The following ADGRV1 variants were observed in gnomAD, a reference collection of about 807,000 sequenced individuals.
ADGRV1 encodes G-protein coupled receptor 98.
In ADGRV1, 359 loss-of-function variants were observed where a neutral mutation model predicts 596.2. The ratio of observed to expected loss-of-function variants is 0.60; its 90% CI spans 0.55 to 0.66. The LOEUF (loss-of-function observed/expected upper bound fraction) is 0.66, where lower values mean the gene tolerates loss of function less well. Among genes scored for constraint, ADGRV1 ranks in the 30% least tolerant of loss-of-function variants. The pLI is 0.00. For synonymous variants in ADGRV1, 2,681 were observed against 2,679.2 expected, an observed-to-expected ratio of 1.00 and a Z score of -0.02; for missense variants, 7,274 against 7,575.6, an observed-to-expected ratio of 0.96 and a Z score of 1.48.
intron 50 of ADGRV1, among the ~76,000 whole-genome samples, chr5:90,740,156 T>C (rs1259259094): frequency 6.6e-6 from 1 of 152,174 alleles, no homozygotes; most frequent in Non-Finnish European, 1.5e-5. Context: ...AGATGCTCTC[T>C]TTGGATAATC....
intron 74 of ADGRV1, among the ~76,000 whole-genome samples, chr5:90,813,204 A>T (rs200077878): frequency 1.7e-3 from 2 of 1,180 alleles, no homozygotes; most frequent in African/African-American, 1.9e-3. Flanking sequence ...ATTCTAATAG[A>T]GACACAGATA....
At chr5:90,888,982 T>C (rs1770549887) in intron 83 of ADGRV1, among the ~76,000 whole-genome samples, 1 of 152,130 alleles carries the variant, frequency 6.6e-6, no homozygotes, top group Non-Finnish European at 1.5e-5. Flanking sequence ...GACTATCAAA[T>C]CTTGGATTGT....
At chr5:90,974,719 A>G (rs1298702784) in intron 84 of ADGRV1, among the ~76,000 whole-genome samples, 1 of 152,246 alleles carries the variant, frequency 6.6e-6, no homozygotes, top group Non-Finnish European at 1.5e-5. Flanking sequence ...TTAAAGACTT[A>G]AATATTAGAC....
chr5:90,739,937 C>T (rs896417507), intron 50 of ADGRV1, among the ~76,000 whole-genome samples: 6 of 152,030 alleles, frequency 3.9e-5, no homozygotes, highest in Non-Finnish European at 8.8e-5. Flanking sequence ...CCTCAGAAGA[C>T]ATTCACACAC....
chr5:90,787,115 A>G (rs1381628371), intron 67 of ADGRV1, among the ~76,000 whole-genome samples: 1 of 152,216 alleles, frequency 6.6e-6, no homozygotes, highest in Non-Finnish European at 1.5e-5. Context: ...CATGAGTATC[A>G]CATAAGCCAA....
Position 90,810,262 on chromosome 5 carries a change from C to CA in ADGRV1, c.15004dup (p.Met5002AsnfsTer9). 1 of 1,584,220 alleles carries CA rather than the reference C, an allele frequency of 6.3e-7. No homozygotes were observed. The highest frequency in any genetic ancestry group is 8.6e-7 in the Non-Finnish European group (1 of 1,164,356). On this transcript the variant is annotated frameshift_variant, in exon 74 of 90. Transcript: ENST00000405460. LOFTEE classifies it high-confidence loss of function. ...GGTTTCATTGTTGCTGAAATTGAAC[C>CA]AATGGGCGTCTTCCAATTTTCCACT... is the stretch of plus-strand genomic sequence containing the variant.
rs1249486516 is a variant in ADGRV1 at position 90,721,504 on chromosome 5, A to AAAAAT, written c.9748+465_9748+469dup. Reference sequence around the variant, plus strand: ...GGTCAACAGAGCAAGACTTGGTCTAAAAAATAAAATAAAATAAAATAAAAA... The same window carrying AAAAAT: ...GGTCAACAGAGCAAGACTTGGTCTAAAAAATAAAATAAAATAAAATAAAATAAAAA... On this transcript the variant is annotated intron_variant, in intron 45 of 89. Coordinates refer to ENST00000405460, the MANE Select transcript of ADGRV1 (RefSeq NM_032119.4). 7.6e-4 allele frequency among the ~76,000 whole-genome samples: 54 copies of AAAAAT among 70,722 alleles called. 2 individuals are homozygous for AAAAAT. The East Asian group carries it at 0.016, about 21-fold the overall frequency. 46.4% of individuals were successfully genotyped at this position (70,722 alleles called of 152,430 possible). A position where few individuals can be genotyped will look rare whatever the true frequency, so the allele number is the denominator to read the frequency against.
chr5:90,689,778 G>T (rs181706215), intron 29 of ADGRV1, 83 bp from the exon 30 acceptor site: 1 of 889,204 alleles, frequency 1.1e-6, no homozygotes, highest in Non-Finnish European at 1.8e-6. Context: ...CATAAAGTTT[G>T]TTACCTGATA....
intron 86 of ADGRV1, among the ~76,000 whole-genome samples, chr5:91,089,520 A>G (rs1790200091): frequency 2.0e-5 from 3 of 152,166 alleles, no homozygotes; most frequent in Admixed American, 6.5e-5. Flanking sequence ...GCTTTGAAGT[A>G]TGTTGGCATT....
At chr5:90,856,857 C>T (rs922834841) in intron 82 of ADGRV1, among the ~76,000 whole-genome samples, 34 of 152,218 alleles carry the variant, frequency 2.2e-4, no homozygotes, top group African/African-American at 7.9e-4. Flanking sequence ...TCAGACATTT[C>T]TAACATTCTG....
At chr5:90,918,967 T>C (rs1490254789) in intron 83 of ADGRV1, among the ~76,000 whole-genome samples, 1 of 152,184 alleles carries the variant, frequency 6.6e-6, no homozygotes, top group Non-Finnish European at 1.5e-5. Context: ...TGCCCTACCC[T>C]GCCTGATGCA....
chr5:91,009,814 C>T (rs1458605186), intron 85 of ADGRV1, among the ~76,000 whole-genome samples: 1 of 151,930 alleles, frequency 6.6e-6, no homozygotes, highest in East Asian at 1.9e-4. Flanking sequence ...TATCACAGCC[C>T]TTCAGGTATT....
intron 83 of ADGRV1, among the ~76,000 whole-genome samples, chr5:90,887,093 C>T (rs1489664717): frequency 6.6e-6 from 1 of 152,156 alleles, no homozygotes; most frequent in Non-Finnish European, 1.5e-5. Flanking sequence ...CTTTCCACTG[C>T]TCTTCAAGAT....
At chr5:90,972,020 A>T (rs933846341) in intron 84 of ADGRV1, among the ~76,000 whole-genome samples, 6 of 152,198 alleles carry the variant, frequency 3.9e-5, no homozygotes, top group African/African-American at 1.4e-4. Flanking sequence ...TACCAAGCAA[A>T]TGGAAAACAA....
intron 83 of ADGRV1, among the ~76,000 whole-genome samples, chr5:90,874,644 G>A (rs915573348): frequency 2.0e-5 from 3 of 151,802 alleles, no homozygotes; most frequent in African/African-American, 4.8e-5. Flanking sequence ...GGCGGATCAC[G>A]AGGTCAGGAG....
At chr5:90,779,259 A>G (rs992772726) in intron 64 of ADGRV1, 162 bp downstream of exon 64, 1 of 444,598 alleles carries the variant, frequency 2.2e-6, no homozygotes. Flanking sequence ...AAATTATGAC[A>G]ATGACTGAGT....
chr5:90,709,498 T>C (rs1191444978), intron 39 of ADGRV1, among the ~76,000 whole-genome samples: 1 of 152,150 alleles, frequency 6.6e-6, no homozygotes, highest in Non-Finnish European at 1.5e-5. Flanking sequence ...GGAAATTTTG[T>C]CTGAAGCCTG....
At chr5:91,019,895 T>C (rs1410726973) in intron 85 of ADGRV1, among the ~76,000 whole-genome samples, 1 of 152,052 alleles carries the variant, frequency 6.6e-6, no homozygotes, top group African/African-American at 2.4e-5. Context: ...AACTATTTCC[T>C]ACTCTCTGTC....
chr5:90,789,691 A>G lies in ADGRV1; in HGVS notation c.13894-11A>G, dbSNP rs1405403792. 6.7e-7 allele frequency: 1 copy of G among 1,498,550 alleles called. No homozygotes were observed. The highest frequency in any genetic ancestry group is 9.1e-7 in the Non-Finnish European group (1 of 1,103,038). 92.8% of individuals were successfully genotyped at this position (1,498,550 alleles called of 1,614,324 possible). On this transcript the variant is annotated splice_polypyrimidine_tract_variant and intron_variant, in intron 68 of 89. Coordinates refer to ENST00000405460, the MANE Select transcript of ADGRV1 (RefSeq NM_032119.4). ...TTATAAATTATTTTCTCTGTTGTTTATATTTTTTAGATACAAGAGTTTGGT... is the reference window on the plus strand; with the variant it reads ...TTATAAATTATTTTCTCTGTTGTTTGTATTTTTTAGATACAAGAGTTTGGT...
Sources: allele counts gnomAD v4.1 joint callset (sites outside exome capture counted in the v4.1 genomes callset), GRCh38; gene constraint gnomAD v4.1.1; transcripts MANE v1.5; gene names NCBI Gene and HGNC (gene_info 2026-07-23, HGNC 2026-07-21).